The following EBF1 variants were observed in gnomAD, a reference collection of about 807,000 sequenced individuals.
EBF1 encodes the protein transcription factor COE1.
Under a neutral mutation model 68.4 loss-of-function variants are expected in EBF1, and 10 were observed. The ratio of observed to expected loss-of-function variants is 0.15; its 90% CI spans 0.09 to 0.25. The LOEUF (loss-of-function observed/expected upper bound fraction) is 0.25, where lower values mean the gene tolerates loss of function less well. EBF1 is among the 10% of genes least tolerant of loss of function. The pLI is 1.00. For synonymous variants in EBF1, 298 were observed against 299.8 expected, an observed-to-expected ratio of 0.99 and a Z score of 0.06; for missense variants, 509 against 794.4, an observed-to-expected ratio of 0.64 and a Z score of 4.32.
intron 6 of EBF1, among the ~76,000 whole-genome samples, chr5:158,993,185 T>G (rs1760730812): frequency 6.6e-6 from 1 of 151,676 alleles, no homozygotes; most frequent in Non-Finnish European, 1.5e-5. Flanking sequence ...TAGCCGGGAT[T>G]ACAGGTGCAC....
chr5:158,957,836 A>G (rs1040863685), intron 6 of EBF1, among the ~76,000 whole-genome samples: 16 of 152,240 alleles, frequency 1.1e-4, no homozygotes, highest in Admixed American at 9.2e-4. Context: ...AAAGATGCCA[A>G]CATCACTCCC....
intron 5 of EBF1, among the ~76,000 whole-genome samples, chr5:159,078,548 A>G (rs1477584766): frequency 6.6e-6 from 1 of 152,210 alleles, no homozygotes; most frequent in African/African-American, 2.4e-5. Context: ...TGGGCACTGT[A>G]CCAGGCACAG....
chr5:158,956,028 A>ATGTGTGTGTGTG (rs56311243), intron 6 of EBF1, among the ~76,000 whole-genome samples: 1 of 141,040 alleles, frequency 7.1e-6, no homozygotes, highest in Non-Finnish European at 1.5e-5. Context: ...ATAAATATAA[A>ATGTGTGTGTGTG]TGTGTGTGTG....
At chr5:158,782,505 A>AT (rs1776635100) in intron 9 of EBF1, among the ~76,000 whole-genome samples, 1 of 151,886 alleles carries the variant, frequency 6.6e-6, no homozygotes. Context: ...CAAAAAAAAA[A>AT]TTTTAATTAG....
intron 10 of EBF1, among the ~76,000 whole-genome samples, chr5:158,773,267 C>T (rs1774273340): frequency 6.6e-6 from 1 of 152,112 alleles, no homozygotes; most frequent in African/African-American, 2.4e-5. Context: ...ATGTGCAAAG[C>T]AACGTGTTAT....
At chr5:158,930,989 C>G (rs1190600057) in intron 6 of EBF1, among the ~76,000 whole-genome samples, 1 of 152,122 alleles carries the variant, frequency 6.6e-6, no homozygotes, top group Non-Finnish European at 1.5e-5. Flanking sequence ...TGTTAGACAT[C>G]TACATTTTTA....
At position 159,095,408 on chromosome 5, in the gene EBF1, T is replaced by C. The variant is rs535210572; in HGVS notation, c.411+212A>G. ...CTTAATTCACAAGGCCCGAGTTCCC[T>C]TGGAGGGACGCGCGCGCGTCGAGCC... On this transcript the variant is annotated intron_variant, in intron 4 of 15. Transcript: ENST00000313708. Among the ~76,000 whole-genome samples, 4 of 152,222 alleles carry C rather than the reference T, an allele frequency of 2.6e-5. No individual in the cohort carries two copies. The East Asian group carries it at 5.8e-4, about 22-fold the overall frequency.
intron 6 of EBF1, among the ~76,000 whole-genome samples, chr5:159,011,252 A>G (rs1306064904): frequency 2.6e-5 from 4 of 152,216 alleles, no homozygotes; most frequent in African/African-American, 9.7e-5. Flanking sequence ...GATTTCTAAA[A>G]TGGTCTAACA....
At chr5:159,096,861 T>C (rs972693646) in intron 2 of EBF1, 113 bp downstream of exon 2, 7 of 1,356,554 alleles carry the variant, frequency 5.2e-6, no homozygotes, top group African/African-American at 1.5e-5. Context: ...GACCCCCACA[T>C]AGAAGTGTGT....
chr5:158,816,695 T>G (rs1468601024), intron 8 of EBF1, among the ~76,000 whole-genome samples: 5 of 151,960 alleles, frequency 3.3e-5, no homozygotes, highest in African/African-American at 1.2e-4. Context: ...CTAAAGACCA[T>G]GAAAAGGTGA....
intron 8 of EBF1, among the ~76,000 whole-genome samples, chr5:158,813,536 T>C (rs1414872773): frequency 6.6e-6 from 1 of 152,058 alleles, no homozygotes; most frequent in African/African-American, 2.4e-5. Context: ...TGGAGGGAAA[T>C]TGGATCCTTT....
At position 159,009,371 on chromosome 5, in the gene EBF1, C is replaced by T. The variant is rs185254876; in HGVS notation, c.554+64025G>A. ...TCCTCCTTCAAAACCTACCCTCAAC[C>T]TCGTGATTGTGTGGAACTTGACAAA... On this transcript the variant is annotated intron_variant, in intron 6 of 15. Coordinates refer to ENST00000313708, the MANE Select transcript of EBF1 (RefSeq NM_024007.5). Among the ~76,000 whole-genome samples the T allele has an allele frequency of 2.2e-4, 33 of 152,286 alleles. No individual in the cohort carries two copies. In the East Asian group the frequency reaches 2.5e-3, roughly 12 times the overall value.
intron 13 of EBF1, among the ~76,000 whole-genome samples, 155 bp downstream of exon 13, chr5:158,712,815 G>C (rs1048457195): frequency 2.0e-5 from 3 of 152,128 alleles, no homozygotes; most frequent in Non-Finnish European, 4.4e-5. Flanking sequence ...ATGATAGCTA[G>C]GACCAATATT....
At chr5:158,968,206 C>T (rs1754562821) in intron 6 of EBF1, among the ~76,000 whole-genome samples, 1 of 152,148 alleles carries the variant, frequency 6.6e-6, no homozygotes, top group South Asian at 2.1e-4. Flanking sequence ...CTAATCAGAA[C>T]AGTGAACTAA....
chr5:159,097,175 C>A, intron 1 of EBF1, 45 bp from the exon 2 acceptor site: 1 of 1,587,324 alleles, frequency 6.3e-7, no homozygotes, highest in South Asian at 1.1e-5. Flanking sequence ...CGGACGCCGA[C>A]CCGCGCCCCT....
intron 6 of EBF1, among the ~76,000 whole-genome samples, chr5:158,901,392 A>G (rs1346439831): frequency 6.6e-6 from 1 of 152,160 alleles, no homozygotes; most frequent in African/African-American, 2.4e-5. Context: ...GACAGCAGGG[A>G]TAGTGTTTGT....
rs10057038 is a variant in EBF1, at chr5:159,004,672, C to T, written c.554+68724G>A. On this transcript the variant is annotated intron_variant, in intron 6 of 15. Transcript: ENST00000313708. ...GTTCTATAATGAATTCCATGTTTCC[C>T]TACTAGCTGCCAAGTAGGGAACTGT... Among the ~76,000 whole-genome samples the T allele has an allele frequency of 1.5e-3, 226 of 152,192 alleles. 2 individuals are homozygous for T. Among genetic ancestry groups the T allele is most frequent in the African/African-American group, 5.3e-3 (222 of 41,534 alleles).
intron 10 of EBF1, among the ~76,000 whole-genome samples, chr5:158,747,059 G>C (rs1767748309): frequency 6.6e-6 from 1 of 152,160 alleles, no homozygotes; most frequent in Admixed American, 6.5e-5. Flanking sequence ...GAGGGGCAAA[G>C]GCACATCTAC....
intron 6 of EBF1, among the ~76,000 whole-genome samples, chr5:158,861,643 TC>T (rs1794976722): frequency 6.6e-6 from 1 of 152,212 alleles, no homozygotes; most frequent in Admixed American, 6.5e-5. Flanking sequence ...CAATTAATGC[TC>T]CTCTGCTGCT....
Sources: allele counts gnomAD v4.1 joint callset (sites outside exome capture counted in the v4.1 genomes callset), GRCh38; gene constraint gnomAD v4.1.1; transcripts MANE v1.5; gene names NCBI Gene and HGNC (gene_info 2026-07-23, HGNC 2026-07-21).